Variants in SMG7 observed in about 807,000 individuals in gnomAD.
SMG7 encodes nonsense-mediated mRNA decay factor SMG7.
In SMG7, 34 loss-of-function variants were observed where a neutral mutation model predicts 148.2. The ratio of observed to expected loss-of-function variants is 0.23; its 90% CI spans 0.17 to 0.31. SMG7 has a LOEUF of 0.31. Ranked by LOEUF, SMG7 falls within the 10% of genes least tolerant of loss-of-function variation. The pLI, the probability that SMG7 is intolerant of heterozygous loss-of-function variation, is 1.00. For missense variants in SMG7, 1,114 were observed against 1,408.4 expected (o/e 0.79, Z 3.35); for synonymous variants, 492 against 515.1 (o/e 0.96, Z 0.61).
At chr1:183,506,829 T>G (rs1242694607) in intron 1 of SMG7, among the ~76,000 whole-genome samples, 3 of 151,538 alleles carry the variant, frequency 2.0e-5, no homozygotes, top group African/African-American at 7.3e-5. Context: ...TGCCCTGATT[T>G]GGAAATATCT....
rs1204816139 is a variant in SMG7 at position 183,513,439 on chromosome 1, T to C, written c.61+571T>C. 2.0e-5 allele frequency: 3 copies of C among 152,174 alleles called. No individual in the cohort carries two copies. The Admixed American group carries it at 2.0e-4, about 10-fold the overall frequency. The allele number at this position is 152,174 out of a possible 1,614,324, so 9.4% of individuals were successfully genotyped here. Reference sequence around the variant, plus strand: ...TAGGCTAGAATGCAGTGGCGTGATCTCGGCTCACTGTAACCTCCGCCTCCC... The same window carrying C: ...TAGGCTAGAATGCAGTGGCGTGATCCCGGCTCACTGTAACCTCCGCCTCCC... On this transcript the variant is annotated intron_variant, in intron 2 of 22. Transcript: ENST00000688051.
chr1:183,535,126 A>G (rs1007079212), intron 10 of SMG7, among the ~76,000 whole-genome samples: 1 of 152,162 alleles, frequency 6.6e-6, no homozygotes, highest in African/African-American at 2.4e-5. Flanking sequence ...GTTTAATTCA[A>G]TATATTATAT....
intron 12 of SMG7, among the ~76,000 whole-genome samples, chr1:183,540,642 G>A (rs2102717540): frequency 6.6e-6 from 1 of 152,002 alleles, no homozygotes; most frequent in East Asian, 1.9e-4. Context: ...CAAATTACTT[G>A]GCATGCAAGA....
intron 14 of SMG7, among the ~76,000 whole-genome samples, chr1:183,542,734 C>T (rs1669095007): frequency 6.6e-6 from 1 of 152,044 alleles, no homozygotes. Context: ...TCAGTCTTCA[C>T]CAATTTAAGC....
chr1:183,533,411 C>T (rs1667202984), intron 9 of SMG7, 85 bp downstream of exon 9: 1 of 1,338,444 alleles, frequency 7.5e-7, no homozygotes, highest in Non-Finnish European at 1.0e-6. Context: ...AGCACAGTGA[C>T]ATAAAAAAGC....
intron 4 of SMG7, among the ~76,000 whole-genome samples, chr1:183,524,924 A>T (rs192924604): frequency 6.6e-6 from 1 of 151,280 alleles, no homozygotes; most frequent in Admixed American, 6.6e-5. Flanking sequence ...TCTCCCCTCT[A>T]CTTCTCTTTT....
intron 10 of SMG7, among the ~76,000 whole-genome samples, chr1:183,534,853 A>C (rs934089313): frequency 1.3e-5 from 2 of 152,186 alleles, no homozygotes; most frequent in Admixed American, 6.5e-5. Context: ...TCTCAAAAAA[A>C]AAAAAAGAAA....
chr1:183,489,855 C>T (rs1656488716), intron 1 of SMG7, among the ~76,000 whole-genome samples: 6 of 152,170 alleles, frequency 3.9e-5, no homozygotes. Flanking sequence ...GTGAGAGGGA[C>T]TAGGAAAGAC....
chr1:183,534,472 A>G (rs1558038524), intron 10 of SMG7, among the ~76,000 whole-genome samples: 1 of 152,196 alleles, frequency 6.6e-6, no homozygotes, highest in Non-Finnish European at 1.5e-5. Context: ...TTGATGGTAT[A>G]TTTAAGGAGA....
chr1:183,538,481 G>A (rs771937392), intron 12 of SMG7, 41 bp downstream of exon 12: 18 of 1,320,546 alleles, frequency 1.4e-5, no homozygotes, highest in Admixed American at 1.7e-5. Flanking sequence ...GCCAGTGATT[G>A]CAGTATTAAA....
At chr1:183,516,170 A>G (rs749835709) in intron 3 of SMG7, 179 bp downstream of exon 3, 1 of 546,776 alleles carries the variant, frequency 1.8e-6, no homozygotes, top group Non-Finnish European at 3.3e-6. Flanking sequence ...CAGTCTTTGG[A>G]GGAGGTAAGA....
chr1:183,546,372 G>C (rs1669932709), intron 17 of SMG7, 35 bp downstream of exon 17: 1 of 1,581,476 alleles, frequency 6.3e-7, no homozygotes, highest in Non-Finnish European at 8.6e-7. Flanking sequence ...GCAATTTGGA[G>C]ATAGGTCTGA....
Position 183,546,231 on chromosome 1 carries a change from A to T in SMG7, c.2636A>T (p.Asp879Val), listed in dbSNP as rs1438271308. Residue 879 changes from aspartate to valine, a missense_variant, in exon 17 of 23, where the codon GAT (aspartate) becomes GTT (valine). Asp to Val is a radical substitution (Grantham distance 152, BLOSUM62 -3). Around this residue, in one of 4 missense-constraint regions of SMG7, gnomAD observed 788 missense variants for 894.5 expected, o/e 0.88. Transcript: ENST00000688051. ...TGGGATTCTTCCTACAGCATGGCTGATAACAGATCTGTAATGGCACAGCAA... is the reference window on the plus strand; with the variant it reads ...TGGGATTCTTCCTACAGCATGGCTGTTAACAGATCTGTAATGGCACAGCAA... ...FYWDSSYSMA[D>V]NRSVMAQQAN... 6.2e-7 allele frequency: 1 copy of T among 1,613,994 alleles called. No individual in the cohort carries two copies. The highest frequency in any genetic ancestry group is 1.3e-5 in the African/African-American group (1 of 74,938).
Position 183,509,847 on chromosome 1 carries a change from A to T in SMG7, c.30-2990A>T, listed in dbSNP as rs74363339. Reference sequence around the variant, plus strand: ...TTTCTTGGACAGATTATAGCATGGTAAAAATAACAGAGTAAAATTTTAGAT... The same window carrying T: ...TTTCTTGGACAGATTATAGCATGGTTAAAATAACAGAGTAAAATTTTAGAT... On this transcript the variant is annotated intron_variant, in intron 1 of 22. Coordinates refer to ENST00000688051, the MANE Select transcript of SMG7 (RefSeq NM_001375584.1). Among the ~76,000 whole-genome samples, 1,292 of 152,300 alleles carry T rather than the reference A, an allele frequency of 8.5e-3. 7 individuals carry two copies. Among genetic ancestry groups the T allele is most frequent in the Admixed American group, 0.016 (247 of 15,286 alleles).
chr1:183,552,074 G>A lies in SMG7; in HGVS notation c.*143G>A, dbSNP rs553115539. 11 of 1,330,362 alleles carry A rather than the reference G, an allele frequency of 8.3e-6. No individual in the cohort carries two copies. The highest frequency in any genetic ancestry group is 1.5e-5 in the African/African-American group (1 of 66,970). The allele number at this position is 1,330,362 out of a possible 1,614,324, so 82.4% of individuals were successfully genotyped here. ...GAGGGTGTAAGTATTCCACCAGCCC[G>A]CTGAGTGTGCACGAAATGTTCGCAG... On this transcript the variant is annotated 3_prime_UTR_variant, in exon 23 of 23. Coordinates refer to ENST00000688051, the MANE Select transcript of SMG7 (RefSeq NM_001375584.1).
intron 1 of SMG7, among the ~76,000 whole-genome samples, chr1:183,504,571 T>A (rs1300006163): frequency 6.6e-6 from 1 of 152,110 alleles, no homozygotes; most frequent in Non-Finnish European, 1.5e-5. Flanking sequence ...ACTCCTGACC[T>A]CCCGTGATCT....
chr1:183,497,706 A>G (rs968335582), intron 1 of SMG7, among the ~76,000 whole-genome samples: 7 of 151,830 alleles, frequency 4.6e-5, no homozygotes, highest in African/African-American at 1.2e-4. Flanking sequence ...AGTAGCTGGG[A>G]TTATAGGCGC....
chr1:183,553,094 G>C lies in SMG7; in HGVS notation c.*1163G>C. On this transcript the variant is annotated 3_prime_UTR_variant, in exon 23 of 23. Transcript: ENST00000688051. The stretch of plus-strand genomic sequence containing the variant: ...GCCCCTGCCCAGCTGCAGTCTCCCA[G>C]CCTCCACTTTCAGAGTGAAATTCAA... 6.5e-7 allele frequency: 1 copy of C among 1,536,250 alleles called. No homozygotes were observed. The highest frequency in any genetic ancestry group is 1.2e-5 in the South Asian group (1 of 84,064).
intron 10 of SMG7, among the ~76,000 whole-genome samples, chr1:183,535,106 T>G (rs748425830): frequency 1.6e-4 from 25 of 152,214 alleles, no homozygotes; most frequent in Non-Finnish European, 3.7e-4. Flanking sequence ...ACTCTAGAAC[T>G]CAAATTTATG....
Sources: gnomAD v4.1 joint callset for allele counts (sites outside exome capture counted in the v4.1 genomes callset) on GRCh38, gnomAD v4.1.1 for gene constraint, gnomAD v4.1.1 regional missense constraint, MANE v1.5 for transcripts, NCBI Gene and HGNC (gene_info 2026-07-23, HGNC 2026-07-21) for gene names.